Variants in MCF2L observed in about 807,000 individuals in gnomAD.
MCF2L encodes the protein MCF.2 cell line derived transforming sequence like, also known as guanine nucleotide exchange factor DBS.
MCF2L carries 97 observed loss-of-function variants against 153.4 expected under a neutral mutation model. The ratio of observed to expected loss-of-function variants is 0.63; its 90% CI spans 0.54 to 0.75. MCF2L has a LOEUF of 0.75. Ranked by LOEUF, MCF2L falls within the 30% of genes least tolerant of loss-of-function variation. The pLI, the probability that MCF2L is intolerant of heterozygous loss-of-function variation, is 0.00. For missense variants in MCF2L, 1,347 were observed against 1,495.2 expected, an observed-to-expected ratio of 0.90 and a Z score of 1.64; for synonymous variants, 659 against 632.2, an observed-to-expected ratio of 1.04 and a Z score of -0.64.
chr13:113,080,131 G>A (rs2033970313), intron 15 of MCF2L, among the ~76,000 whole-genome samples: 1 of 54,028 alleles, frequency 1.9e-5, no homozygotes, highest in East Asian at 3.7e-4. Flanking sequence ...GCAGAGGAAC[G>A]TCTGAATGGA....
intron 1 of MCF2L, among the ~76,000 whole-genome samples, chr13:112,996,567 G>T (rs146416589): frequency 6.6e-6 from 1 of 152,350 alleles, no homozygotes; most frequent in African/African-American, 2.4e-5. Context: ...TCCAGAGTGT[G>T]CAGTGCCCTT....
In MCF2L at chr13:113,098,355, T is replaced by C. The variant is rs928489632; in HGVS notation, c.*1496T>C. Reference sequence around the variant, plus strand: ...GTGCTGTGTCCCGCGATGTCCCTGATGTACTGTGCAGGCGCGGTGCCTCCG... The same window carrying C: ...GTGCTGTGTCCCGCGATGTCCCTGACGTACTGTGCAGGCGCGGTGCCTCCG... On this transcript the variant is annotated 3_prime_UTR_variant, in exon 30 of 30. Coordinates refer to ENST00000535094, the MANE Select transcript of MCF2L (RefSeq NM_001112732.3). 1 of 152,614 alleles carries C rather than the reference T, an allele frequency of 6.6e-6. No individual in the cohort carries two copies. Among genetic ancestry groups the C allele is most frequent in the Non-Finnish European group, 1.5e-5 (1 of 68,056 alleles). The allele number at this position is 152,614 out of a possible 1,614,324, so 9.5% of individuals were successfully genotyped here. A position where few individuals can be genotyped will look rare whatever the true frequency, so the allele number is the denominator to read the frequency against.
chr13:113,005,810 A>G (rs545052985), intron 1 of MCF2L, among the ~76,000 whole-genome samples: 1 of 152,194 alleles, frequency 6.6e-6, no homozygotes, highest in Non-Finnish European at 1.5e-5. Context: ...TGGTTTCACA[A>G]CGTGAACTAT....
Position 113,027,631 on chromosome 13 carries a change from C to T in MCF2L, c.278+2873C>T, listed in dbSNP as rs139441910. Among the ~76,000 whole-genome samples, 174 of 152,248 alleles carry T rather than the reference C, an allele frequency of 1.1e-3. 2 individuals carry two copies. The highest frequency in any genetic ancestry group is 3.9e-3 in the African/African-American group (163 of 41,572). ...AGGAGGGGCTGGGTCTCGGGCCGAG[C>T]GGCCGAGCTCCCTGAGGGGCTGATG... On this transcript the variant is annotated intron_variant, in intron 3 of 29. Transcript: ENST00000535094. The surrounding 1 kb of genome is among the most constrained non-coding windows in gnomAD (Gnocchi z 4.8).
rs900271546 is a variant in MCF2L, at chr13:113,095,195, A to G, written c.3075+560A>G. 1.3e-5 allele frequency: 16 copies of G among 1,240,320 alleles called. 1 individual carries two copies. Among genetic ancestry groups the G allele is most frequent in the Admixed American group, 2.6e-5 (1 of 38,210 alleles). 76.8% of individuals were successfully genotyped at this position (1,240,320 alleles called of 1,614,324 possible). On this transcript the variant is annotated intron_variant, in intron 27 of 29. Transcript: ENST00000535094. ...AAGAAAAAGCTGCCATGTGTTAATC[A>G]TTCCAGTGAGGGTTACACCAAGAAG...
At chr13:112,934,853 G>T (rs2081499838) in intron 2 of MCF2L, among the ~76,000 whole-genome samples, 1 of 152,144 alleles carries the variant, frequency 6.6e-6, no homozygotes. Context: ...GGGCGCCCCC[G>T]CCACTCCCTG....
intron 2 of MCF2L, among the ~76,000 whole-genome samples, chr13:112,952,511 C>T (rs1298523194): frequency 2.0e-5 from 3 of 152,292 alleles, no homozygotes; most frequent in Non-Finnish European, 4.4e-5. Flanking sequence ...GACCAGTCAC[C>T]GGATCCTCTT....
Position 113,011,769 on chromosome 13 carries a change from G to A in MCF2L, c.80-2994G>A, listed in dbSNP as rs1210260009. ...ACCGTGATGAGGACGGTGGACAGGCGGTGTGGACGGTGGACACTGTGATGC... is the reference window on the plus strand; with the variant it reads ...ACCGTGATGAGGACGGTGGACAGGCAGTGTGGACGGTGGACACTGTGATGC... On this transcript the variant is annotated intron_variant, in intron 1 of 29. Coordinates refer to ENST00000535094, the MANE Select transcript of MCF2L (RefSeq NM_001112732.3). 8.5e-5 allele frequency among the ~76,000 whole-genome samples: 11 copies of A among 129,770 alleles called. 1 individual carries two copies. The highest frequency in any genetic ancestry group is 1.5e-4 in the Non-Finnish European group (9 of 60,718). 85.1% of individuals were successfully genotyped at this position (129,770 alleles called of 152,430 possible).
chr13:113,048,834 G>A (rs1367306793), intron 4 of MCF2L, among the ~76,000 whole-genome samples: 3 of 152,220 alleles, frequency 2.0e-5, no homozygotes, highest in African/African-American at 7.2e-5. Context: ...GGATGTGAGG[G>A]AGGAAGTGAG....
At chr13:112,984,240 C>CTT (rs979590878) in intron 1 of MCF2L, among the ~76,000 whole-genome samples, 7 of 146,948 alleles carry the variant, frequency 4.8e-5, no homozygotes, top group African/African-American at 1.0e-4. Context: ...AGAAATTCTC[C>CTT]TTTTTTTTTT....
intron 1 of MCF2L, among the ~76,000 whole-genome samples, chr13:113,005,532 G>A (rs1238106572): frequency 6.6e-6 from 1 of 152,104 alleles, no homozygotes. Flanking sequence ...TCTGTTTGTG[G>A]TGGCCGTGGT....
intron 3 of MCF2L, among the ~76,000 whole-genome samples, chr13:113,037,747 G>A (rs891622963): frequency 7.2e-5 from 11 of 152,240 alleles, no homozygotes; most frequent in African/African-American, 2.7e-4. Context: ...ATTTCATGGT[G>A]AGGTATTGAA....
At chr13:113,076,645 A>G (rs1442890698) in intron 12 of MCF2L, among the ~76,000 whole-genome samples, 1 of 152,226 alleles carries the variant, frequency 6.6e-6, no homozygotes, top group Middle Eastern at 3.2e-3. Flanking sequence ...TCCTTTCAAC[A>G]CAGAAATTAT....
chr13:112,980,919 A>G (rs2082395840), intron 1 of MCF2L, among the ~76,000 whole-genome samples: 1 of 152,138 alleles, frequency 6.6e-6, no homozygotes, highest in South Asian at 2.1e-4. Context: ...AAGTCTTAAG[A>G]CCCTGGACAT....
chr13:113,089,557 A>G, intron 25 of MCF2L, 53 bp from the exon 26 acceptor site: 1 of 1,288,122 alleles, frequency 7.8e-7, no homozygotes, highest in Non-Finnish European at 1.1e-6. Context: ...GGCGTTCTGA[A>G]AGACTAACCA....
chr13:112,898,734 C>T (rs917121061), intron 1 of MCF2L, among the ~76,000 whole-genome samples: 1 of 152,180 alleles, frequency 6.6e-6, no homozygotes, highest in Non-Finnish European at 1.5e-5. Context: ...GTCCCTGAGT[C>T]CCCAGCTGCC....
chr13:113,090,992 C>T, intron 26 of MCF2L: 1 of 1,238,846 alleles, frequency 8.1e-7, no homozygotes. Flanking sequence ...GCTCCTTTTT[C>T]ATCGGTGGAA....
rs139692565 is a variant in MCF2L at position 113,064,342 on chromosome 13, C to T, written c.528C>T (p.Tyr176=). The stretch of plus-strand genomic sequence containing the variant: ...GCTCCGTACCAGACTTACACGGTTA[C>T]ATCGATAAGTCGCAGCTGACCGAGG... ...MLSSVPDLHG[Y]IDKSQLTEDL... Residue 176 remains tyrosine (Y), a synonymous_variant, in exon 6 of 30, where the codon TAC becomes TAT. Transcript: ENST00000535094. The surrounding 1 kb of genome is among the most constrained non-coding windows in gnomAD (Gnocchi z 6.0). 1.1e-5 allele frequency: 18 copies of T among 1,613,030 alleles called. No homozygotes were observed. The highest frequency in any genetic ancestry group is 1.5e-5 in the Non-Finnish European group (18 of 1,179,926).
intron 4 of MCF2L, among the ~76,000 whole-genome samples, chr13:113,050,906 C>T (rs1363764751): frequency 6.6e-6 from 1 of 152,018 alleles, no homozygotes; most frequent in African/African-American, 2.4e-5. Context: ...CCCCTGGGAA[C>T]ACAAAGCAGC....
Sources: gnomAD v4.1 joint callset for allele counts (sites outside exome capture counted in the v4.1 genomes callset) on GRCh38, gnomAD v4.1.1 for gene constraint, Gnocchi (gnomAD v3.1) non-coding constraint, MANE v1.5 for transcripts, NCBI Gene and HGNC (gene_info 2026-07-23, HGNC 2026-07-21) for gene names.